The following EML5 variants were observed in gnomAD, a reference collection of about 807,000 sequenced individuals.
The protein encoded by EML5 is echinoderm microtubule-associated protein-like 5.
A neutral mutation model predicts 250.0 loss-of-function variants in EML5; 120 were observed. The observed-to-expected ratio is 0.48, with a 90% CI of 0.41 to 0.56. The LOEUF (loss-of-function observed/expected upper bound fraction) is 0.56. Among genes scored for constraint, EML5 ranks in the 20% least tolerant of loss-of-function variants. The pLI is 0.00. For missense variants in EML5, 2,006 were observed against 2,437.6 expected (o/e 0.82, Z 3.73); for synonymous variants, 771 against 806.5 (o/e 0.96, Z 0.75).
chr14:88,747,196 G>C (rs904664433), intron 2 of EML5, among the ~76,000 whole-genome samples: 17 of 152,034 alleles, frequency 1.1e-4, no homozygotes, highest in African/African-American at 3.9e-4. Flanking sequence ...TGGATTGCTT[G>C]AGGCCAGGAG....
At chr14:88,718,826 G>T (rs956873285) in intron 8 of EML5, among the ~76,000 whole-genome samples, 4 of 152,130 alleles carry the variant, frequency 2.6e-5, no homozygotes, top group African/African-American at 9.7e-5. Context: ...TTCTAATAGG[G>T]CTCTTTGGTG....
chr14:88,679,552 C>T (rs1384925363), intron 21 of EML5, among the ~76,000 whole-genome samples: 2 of 151,862 alleles, frequency 1.3e-5, no homozygotes, highest in African/African-American at 2.4e-5. Flanking sequence ...ATAAGCCAGC[C>T]GTGGTGGCGC....
At position 88,614,347 on chromosome 14, in the gene EML5, A is replaced by G. The variant is rs953083692; in HGVS notation, c.*1471T>C. ...ACGTTTCAAGCTTCTTAGCCCCATAATCAGTCCTTCAGCCACAGCTATTTA... is the reference window on the plus strand; with the variant it reads ...ACGTTTCAAGCTTCTTAGCCCCATAGTCAGTCCTTCAGCCACAGCTATTTA... On this transcript the variant is annotated 3_prime_UTR_variant, in exon 44 of 44. Transcript: ENST00000554922. The G allele has an allele frequency of 3.3e-5, 5 of 152,230 alleles. No individual in the cohort carries two copies. The allele number at this position is 152,230 out of a possible 1,614,324, so 9.4% of individuals were successfully genotyped here. A position where few individuals can be genotyped will look rare whatever the true frequency, so the allele number is the denominator to read the frequency against.
At chr14:88,710,306 A>AT (rs1180348027) in intron 10 of EML5, among the ~76,000 whole-genome samples, 2 of 152,170 alleles carry the variant, frequency 1.3e-5, no homozygotes, top group East Asian at 1.9e-4. Flanking sequence ...AACTTCGTAT[A>AT]TTTTTTGTTT....
intron 8 of EML5, among the ~76,000 whole-genome samples, chr14:88,723,137 G>C (rs1041785352): frequency 6.6e-6 from 1 of 152,142 alleles, no homozygotes; most frequent in Non-Finnish European, 1.5e-5. Flanking sequence ...AATTAGCTGG[G>C]CACAGGGGCT....
chr14:88,710,785 T>G (rs1228566168), intron 10 of EML5, among the ~76,000 whole-genome samples: 1 of 152,166 alleles, frequency 6.6e-6, no homozygotes, highest in African/African-American at 2.4e-5. Context: ...CAATTTATAC[T>G]TATGTCCTTG....
intron 37 of EML5, 22 bp from the exon 38 acceptor site, chr14:88,621,323 T>C (rs1432989254): frequency 6.2e-7 from 1 of 1,612,976 alleles, no homozygotes; most frequent in Non-Finnish European, 8.5e-7. Flanking sequence ...GCAGGACCAA[T>C]ACAGTGAATG....
At position 88,620,127 on chromosome 14, in the gene EML5, A is replaced by G. The variant is rs2088622728; in HGVS notation, c.5375+627T>C. The G allele has an allele frequency of 6.6e-6, 1 of 152,196 alleles. No homozygotes were observed. The highest frequency in any genetic ancestry group is 1.5e-5 in the Non-Finnish European group (1 of 68,040). 9.4% of individuals were successfully genotyped at this position (152,196 alleles called of 1,614,324 possible). On this transcript the variant is annotated intron_variant, in intron 39 of 43. Coordinates refer to ENST00000554922, the MANE Select transcript of EML5 (RefSeq NM_183387.3). This position sits in a 1 kb window ranked among gnomAD's most constrained non-coding sequence, Gnocchi z 4.3. ...CCACTGTTACTATTTTATATATTGAAGTTCTGAGGAAGGTTTCATTTGTAA... is the reference window on the plus strand; with the variant it reads ...CCACTGTTACTATTTTATATATTGAGGTTCTGAGGAAGGTTTCATTTGTAA...
chr14:88,653,438 T>C (rs1218457614), intron 27 of EML5, among the ~76,000 whole-genome samples: 1 of 152,210 alleles, frequency 6.6e-6, no homozygotes, highest in East Asian at 1.9e-4. Flanking sequence ...GGGTTTGTCA[T>C]AAATAGCTCT....
intron 21 of EML5, among the ~76,000 whole-genome samples, chr14:88,670,293 C>G (rs1250782989): frequency 7.3e-6 from 1 of 136,794 alleles, no homozygotes; most frequent in Non-Finnish European, 1.5e-5. Context: ...GCACTCCAGC[C>G]TGGGTGATAG....
At chr14:88,702,891 A>G (rs2093243019) in intron 13 of EML5, among the ~76,000 whole-genome samples, 1 of 152,146 alleles carries the variant, frequency 6.6e-6, no homozygotes, top group Non-Finnish European at 1.5e-5. Context: ...AGTAGCTGGG[A>G]CTACTGCTGT....
At chr14:88,646,859 C>T in intron 29 of EML5, 88 bp downstream of exon 29, 1 of 1,378,052 alleles carries the variant, frequency 7.3e-7, no homozygotes, top group Non-Finnish European at 9.8e-7. Flanking sequence ...GTAAAGAACA[C>T]TAAGTAACAG....
At chr14:88,783,274 T>C (rs1237598239) in intron 1 of EML5, among the ~76,000 whole-genome samples, 1 of 152,168 alleles carries the variant, frequency 6.6e-6, no homozygotes, top group Non-Finnish European at 1.5e-5. Flanking sequence ...CACTGCCTAG[T>C]AGAGCTGTGA....
At chr14:88,637,377 G>A (rs1053363022) in intron 32 of EML5, among the ~76,000 whole-genome samples, 2 of 152,098 alleles carry the variant, frequency 1.3e-5, no homozygotes, top group Non-Finnish European at 2.9e-5. Context: ...ATAAAGGGGA[G>A]AAAAGGGCCA....
Position 88,670,319 on chromosome 14 carries a change from C to CAAAA in EML5, c.3125-4834_3125-4831dup, listed in dbSNP as rs34008480. 6.0e-4 allele frequency among the ~76,000 whole-genome samples: 49 copies of CAAAA among 81,208 alleles called. 2 individuals are homozygous for CAAAA. In the East Asian group the frequency reaches 0.012, roughly 21 times the overall value. 53.3% of individuals were successfully genotyped at this position (81,208 alleles called of 152,430 possible). ...TGGGTGATAGAGCAGGACTCCATCT[C>CAAAA]AAAAAAAAAAAAAAAAAGGAGAAAA... On this transcript the variant is annotated intron_variant, in intron 21 of 43. Coordinates refer to ENST00000554922, the MANE Select transcript of EML5 (RefSeq NM_183387.3).
intron 10 of EML5, among the ~76,000 whole-genome samples, chr14:88,709,865 T>C (rs1289361801): frequency 1.3e-5 from 2 of 152,160 alleles, no homozygotes; most frequent in African/African-American, 2.4e-5. Context: ...CACGCAACAA[T>C]ATGGAAAACA....
chr14:88,753,888 C>T (rs1252560265), intron 2 of EML5, among the ~76,000 whole-genome samples: 1 of 152,008 alleles, frequency 6.6e-6, no homozygotes, highest in Admixed American at 6.6e-5. Flanking sequence ...GTAATTCCAG[C>T]ACTTTGGGAG....
intron 21 of EML5, among the ~76,000 whole-genome samples, chr14:88,677,772 C>T (rs569366525): frequency 7.2e-4 from 110 of 152,228 alleles, no homozygotes; most frequent in African/African-American, 2.5e-3. Context: ...GTCAGAATGG[C>T]GATTATTAAA....
rs1463706378 is a variant in EML5 at position 88,702,626 on chromosome 14, T to G, written c.2058A>C (p.Arg686Ser). ...SIRLHFVHGY[R>S]GYDCRSNLFY... ...ACAGATTACTTCGACAGTCATAACCTCTGTAACTAATATAGAAAACAAATC... is the reference window on the plus strand; with the variant it reads ...ACAGATTACTTCGACAGTCATAACCGCTGTAACTAATATAGAAAACAAATC... Residue 686 changes from arginine to serine, a missense_variant, in exon 14 of 44, where the codon AGA (arginine) becomes AGC (serine). Physicochemically the swap from Arg to Ser is moderately radical, Grantham distance 110. Around this residue, in one of 7 missense-constraint regions of EML5, gnomAD observed 1,375 missense variants for 1,590.3 expected, o/e 0.86. Coordinates refer to ENST00000554922, the MANE Select transcript of EML5 (RefSeq NM_183387.3). The G allele has an allele frequency of 6.4e-7, 1 of 1,563,432 alleles. No homozygotes were observed. The highest frequency in any genetic ancestry group is 8.7e-7 in the Non-Finnish European group (1 of 1,154,904).
Sources: gnomAD v4.1 joint callset for allele counts (sites outside exome capture counted in the v4.1 genomes callset) on GRCh38, gnomAD v4.1.1 for gene constraint, gnomAD v4.1.1 regional missense constraint, Gnocchi (gnomAD v3.1) non-coding constraint, MANE v1.5 for transcripts, NCBI Gene and HGNC (gene_info 2026-07-23, HGNC 2026-07-21) for gene names.